TNR: variants seen among roughly 807,000 people sequenced by gnomAD.
TNR encodes tenascin-R.
TNR carries 45 observed loss-of-function variants against 150.4 expected under a neutral mutation model. The ratio of observed to expected loss-of-function variants is 0.30; its 90% CI spans 0.24 to 0.38. The LOEUF (loss-of-function observed/expected upper bound fraction) is 0.38, where lower values mean the gene tolerates loss of function less well. Among genes scored for constraint, TNR ranks in the 10% least tolerant of loss-of-function variants. TNR has a pLI of 1.00. For missense variants in TNR, 1,544 were observed against 1,759.1 expected (o/e 0.88, Z 2.19); for synonymous variants, 687 against 678.4 (o/e 1.01, Z -0.20).
At chr1:175,576,881 C>T (rs1037088797) in intron 1 of TNR, among the ~76,000 whole-genome samples, 1 of 152,306 alleles carries the variant, frequency 6.6e-6, no homozygotes, top group Admixed American at 6.5e-5. Flanking sequence ...TATTTTAGTG[C>T]TCATTATTTC....
intron 1 of TNR, among the ~76,000 whole-genome samples, chr1:175,658,837 T>G (rs879871410): frequency 6.6e-6 from 1 of 152,166 alleles, no homozygotes; most frequent in Non-Finnish European, 1.5e-5. Context: ...TTCTGGAAAC[T>G]GAACCAAATT....
At chr1:175,351,134 T>C (rs1333695544) in intron 18 of TNR, among the ~76,000 whole-genome samples, 1 of 152,248 alleles carries the variant, frequency 6.6e-6, no homozygotes, top group Admixed American at 6.5e-5. Flanking sequence ...TGTGGGGTCC[T>C]GACTGGCAGC....
At chr1:175,540,970 C>T (rs894581092) in intron 1 of TNR, among the ~76,000 whole-genome samples, 8 of 152,114 alleles carry the variant, frequency 5.3e-5, no homozygotes, top group Non-Finnish European at 8.8e-5. Context: ...TGCCCACCCT[C>T]CCCTGCCTCC....
At chr1:175,397,365 G>T (rs961133930) in intron 4 of TNR, among the ~76,000 whole-genome samples, 3 of 152,170 alleles carry the variant, frequency 2.0e-5, no homozygotes, top group African/African-American at 7.2e-5. Flanking sequence ...CATGGAAACT[G>T]GCAAATGCTA....
chr1:175,331,074 T>TTCC (rs1649817987), intron 20 of TNR, among the ~76,000 whole-genome samples: 9 of 101,346 alleles, frequency 8.9e-5, no homozygotes, highest in African/African-American at 3.8e-4. Flanking sequence ...TCTTTCTTTC[T>TTCC]TTCCTTCTTT....
intron 1 of TNR, among the ~76,000 whole-genome samples, chr1:175,737,922 G>A (rs192644798): frequency 1.4e-4 from 22 of 152,246 alleles, no homozygotes; most frequent in South Asian, 4.2e-4. Flanking sequence ...ACCCAGAGAC[G>A]TGCTCCCCAA....
At chr1:175,331,069 CT>C (rs1389819862) in intron 20 of TNR, among the ~76,000 whole-genome samples, 6 of 127,634 alleles carry the variant, frequency 4.7e-5, no homozygotes, top group South Asian at 2.4e-4. Context: ...TTCTTTCTTT[CT>C]TTCTTTCCTT....
chr1:175,529,275 C>G (rs539611688), intron 1 of TNR, among the ~76,000 whole-genome samples: 1 of 152,132 alleles, frequency 6.6e-6, no homozygotes, highest in African/African-American at 2.4e-5. Context: ...AAAAATCAGG[C>G]GACATCTGAG....
chr1:175,358,084 T>C (rs1221090611), intron 15 of TNR, among the ~76,000 whole-genome samples: 4 of 152,154 alleles, frequency 2.6e-5, no homozygotes, highest in African/African-American at 9.7e-5. Flanking sequence ...AGAAATAGCA[T>C]GTGCAAATGC....
At chr1:175,384,857 G>T (rs1652849769) in intron 8 of TNR, among the ~76,000 whole-genome samples, 1 of 152,152 alleles carries the variant, frequency 6.6e-6, no homozygotes, top group African/African-American at 2.4e-5. Flanking sequence ...GCAATCTAGG[G>T]GACATTTTGG....
intron 2 of TNR, among the ~76,000 whole-genome samples, chr1:175,434,276 G>T (rs1235767642): frequency 1.3e-5 from 2 of 152,120 alleles, no homozygotes; most frequent in African/African-American, 4.8e-5. Flanking sequence ...TTAGCATATG[G>T]GGTGTCGACT....
chr1:175,486,532 G>A (rs1658024451), intron 2 of TNR, among the ~76,000 whole-genome samples: 8 of 152,108 alleles, frequency 5.3e-5, no homozygotes, highest in Admixed American at 5.2e-4. Flanking sequence ...TCATTGATGG[G>A]CATTTGGGTT....
chr1:175,614,469 C>T (rs1663704339), intron 1 of TNR, among the ~76,000 whole-genome samples: 5 of 152,232 alleles, frequency 3.3e-5, no homozygotes, highest in African/African-American at 1.2e-4. Flanking sequence ...AGTCCCTGCT[C>T]TGTCTCACCT....
chr1:175,339,904 T>A (rs1331254504), intron 18 of TNR, among the ~76,000 whole-genome samples: 2 of 152,184 alleles, frequency 1.3e-5, no homozygotes, highest in Non-Finnish European at 2.9e-5. Flanking sequence ...ATTGATAATG[T>A]AGATTGATTT....
chr1:175,534,792 C>T (rs1660204771), intron 1 of TNR, among the ~76,000 whole-genome samples: 1 of 152,178 alleles, frequency 6.6e-6, no homozygotes, highest in African/African-American at 2.4e-5. Context: ...CCAAATCTCA[C>T]CATGAATTGT....
At chr1:175,575,000 G>A (rs1662042109) in intron 1 of TNR, among the ~76,000 whole-genome samples, 1 of 152,218 alleles carries the variant, frequency 6.6e-6, no homozygotes, top group South Asian at 2.1e-4. Context: ...AAGCAGTCTG[G>A]AGAAGTCATT....
intron 1 of TNR, among the ~76,000 whole-genome samples, chr1:175,587,033 G>T (rs980952645): frequency 6.6e-6 from 1 of 152,078 alleles, no homozygotes; most frequent in African/African-American, 2.4e-5. Flanking sequence ...ATTTTATTCT[G>T]ACATTTATTT....
chr1:175,343,807 C>T (rs922884144), intron 18 of TNR, among the ~76,000 whole-genome samples: 5 of 152,132 alleles, frequency 3.3e-5, no homozygotes, highest in African/African-American at 4.8e-5. Flanking sequence ...TGGGACAACA[C>T]AATTTAAAAT....
At position 175,320,031 on chromosome 1, in the gene TNR, T is replaced by C. The variant is rs918236210; in HGVS notation, c.*3326A>G. The C allele has an allele frequency of 6.6e-6, 1 of 152,284 alleles. No homozygotes were observed. Among genetic ancestry groups the C allele is most frequent in the Non-Finnish European group, 1.5e-5 (1 of 68,050 alleles). 9.4% of individuals were successfully genotyped at this position (152,284 alleles called of 1,614,324 possible). On this transcript the variant is annotated 3_prime_UTR_variant, in exon 23 of 23. Transcript: ENST00000367674. ...AAAGGGAAACTGCCTGGACCTTGGG[T>C]CTAGACAGTGAATCTATTGCAGTCA...
Sources: allele counts gnomAD v4.1 joint callset (sites outside exome capture counted in the v4.1 genomes callset), GRCh38; gene constraint gnomAD v4.1.1; transcripts MANE v1.5; gene names NCBI Gene and HGNC (gene_info 2026-07-23, HGNC 2026-07-21).